The following CEP112 variants were observed in gnomAD, a reference collection of about 807,000 sequenced individuals.
The protein encoded by CEP112 is centrosomal protein 112, also known as centrosomal protein of 112 kDa.
A neutral mutation model predicts 153.0 loss-of-function variants in CEP112; 127 were observed. The observed-to-expected ratio is 0.83, with a 90% CI of 0.72 to 0.96. The LOEUF (loss-of-function observed/expected upper bound fraction) is 0.96, where lower values mean the gene tolerates loss of function less well. Ranked by LOEUF, CEP112 falls within the 40% of genes least tolerant of loss-of-function variation. The pLI, the probability that CEP112 is intolerant of heterozygous loss-of-function variation, is 0.00. For missense variants in CEP112, 1,089 were observed against 1,101.2 expected (o/e 0.99, Z 0.16); for synonymous variants, 358 against 374.4 (o/e 0.96, Z 0.51).
chr17:65,986,847 A>T (rs2145200089), intron 17 of CEP112, among the ~76,000 whole-genome samples: 1 of 152,274 alleles, frequency 6.6e-6, no homozygotes, highest in South Asian at 2.1e-4. Flanking sequence ...ACCATTATAC[A>T]AGTTGACATG....
chr17:66,129,480 A>G (rs753972689), intron 6 of CEP112, among the ~76,000 whole-genome samples: 1 of 152,008 alleles, frequency 6.6e-6, no homozygotes, highest in Non-Finnish European at 1.5e-5. Flanking sequence ...TACTATCTTT[A>G]ATTATTATTT....
At chr17:65,721,285 C>G (rs1019864995) in intron 23 of CEP112, among the ~76,000 whole-genome samples, 2 of 152,196 alleles carry the variant, frequency 1.3e-5, no homozygotes, top group African/African-American at 4.8e-5. Flanking sequence ...GCTGGGATTA[C>G]AGGCATGAGC....
chr17:66,118,173 A>G (rs1453095030), intron 6 of CEP112, among the ~76,000 whole-genome samples: 3 of 152,176 alleles, frequency 2.0e-5, no homozygotes, highest in African/African-American at 7.2e-5. Flanking sequence ...TACATCCAAA[A>G]GAAAGGAAAT....
intron 2 of CEP112, among the ~76,000 whole-genome samples, chr17:66,180,147 C>G (rs1218200305): frequency 6.6e-6 from 1 of 152,034 alleles, no homozygotes; most frequent in Non-Finnish European, 1.5e-5. Flanking sequence ...CTGTAGTTTT[C>G]TTTCTTTGAT....
intron 19 of CEP112, among the ~76,000 whole-genome samples, chr17:65,917,995 G>C (rs904526206): frequency 1.3e-5 from 2 of 151,984 alleles, no homozygotes; most frequent in African/African-American, 2.4e-5. Flanking sequence ...TGGGCAACAC[G>C]ATGAAACCCT....
intron 12 of CEP112, among the ~76,000 whole-genome samples, chr17:66,038,110 A>AAAAAAAAAAAAAAAAAAAAAAAG (rs71293591): frequency 8.3e-6 from 1 of 120,640 alleles, no homozygotes; most frequent in African/African-American, 3.3e-5. Context: ...CAAAAAAAAA[A>AAAAAAAAAAAAAAAAAAAAAAAG]AAAAGAAAAG....
intron 16 of CEP112, among the ~76,000 whole-genome samples, chr17:66,020,093 C>G (rs2064941458): frequency 6.6e-6 from 1 of 152,104 alleles, no homozygotes; most frequent in Admixed American, 6.6e-5. Context: ...TACATACATA[C>G]CAGGATATCA....
chr17:65,636,272 A>G (rs1297761130), intron 26 of CEP112, among the ~76,000 whole-genome samples: 1 of 152,208 alleles, frequency 6.6e-6, no homozygotes, highest in African/African-American at 2.4e-5. Flanking sequence ...GGTAAACACA[A>G]TCTATGTTAG....
At chr17:65,836,737 A>C (rs1165501039) in intron 21 of CEP112, among the ~76,000 whole-genome samples, 11 of 152,214 alleles carry the variant, frequency 7.2e-5, no homozygotes. Context: ...ACAGAAAATC[A>C]GCAAAGAAAT....
At chr17:66,019,075 C>A (rs190796620) in intron 16 of CEP112, among the ~76,000 whole-genome samples, 37 of 152,244 alleles carry the variant, frequency 2.4e-4, no homozygotes, top group African/African-American at 8.9e-4. Context: ...CAGACAATAG[C>A]CACTAGAGAT....
rs556645985 is a variant in CEP112, at chr17:65,928,503, A to T, written c.1873-814T>A. 1.1e-4 allele frequency among the ~76,000 whole-genome samples: 17 copies of T among 152,328 alleles called. No individual in the cohort carries two copies. In the South Asian group the frequency reaches 3.3e-3, roughly 30 times the overall value. On this transcript the variant is annotated intron_variant, in intron 18 of 26. Transcript: ENST00000535342. ...AGTAGCATTATTCATAACATCCAAA[A>T]AGAGGAAACCACCCAAATATCCATC...
intron 21 of CEP112, among the ~76,000 whole-genome samples, chr17:65,831,647 G>A (rs368108299): frequency 3.3e-4 from 49 of 150,516 alleles, no homozygotes; most frequent in Middle Eastern, 3.4e-3. Flanking sequence ...CAGGAACAAA[G>A]TGAGAAATTT....
chr17:65,829,517 T>C (rs2056992299), intron 21 of CEP112, among the ~76,000 whole-genome samples: 1 of 152,224 alleles, frequency 6.6e-6, no homozygotes, highest in African/African-American at 2.4e-5. Flanking sequence ...TAAGAGGCTC[T>C]GTCCCTTTAT....
At chr17:66,184,408 A>T (rs1779642355) in intron 1 of CEP112, among the ~76,000 whole-genome samples, 1 of 152,212 alleles carries the variant, frequency 6.6e-6, no homozygotes. Flanking sequence ...TCAAGAATAC[A>T]TAAGGACTCT....
chr17:65,865,780 C>T (rs1261154788), intron 20 of CEP112, among the ~76,000 whole-genome samples: 2 of 152,220 alleles, frequency 1.3e-5, no homozygotes, highest in Non-Finnish European at 2.9e-5. Context: ...AGAACCCACT[C>T]CTGGGAGGCC....
intron 18 of CEP112, among the ~76,000 whole-genome samples, chr17:65,932,995 T>A (rs2061179636): frequency 6.6e-6 from 1 of 152,182 alleles, no homozygotes; most frequent in South Asian, 2.1e-4. Context: ...GAACGGAAAT[T>A]ATTTTTAAAA....
At chr17:65,916,060 A>G (rs1375055251) in intron 19 of CEP112, among the ~76,000 whole-genome samples, 2 of 152,072 alleles carry the variant, frequency 1.3e-5, no homozygotes, top group Non-Finnish European at 2.9e-5. Flanking sequence ...CCTTCACTTC[A>G]TCCAGGTCTT....
intron 21 of CEP112, among the ~76,000 whole-genome samples, chr17:65,775,419 G>A (rs1372909389): frequency 6.6e-6 from 1 of 151,928 alleles, no homozygotes; most frequent in South Asian, 2.1e-4. Flanking sequence ...TTTTATCACG[G>A]TTTTCCCCAC....
At chr17:65,972,956 G>A (rs1359863300) in intron 17 of CEP112, among the ~76,000 whole-genome samples, 1 of 152,098 alleles carries the variant, frequency 6.6e-6, no homozygotes, top group Non-Finnish European at 1.5e-5. Flanking sequence ...AGTAGAGACG[G>A]GGTTTCACCA....
Sources: gnomAD v4.1 joint callset for allele counts (sites outside exome capture counted in the v4.1 genomes callset) on GRCh38, gnomAD v4.1.1 for gene constraint, MANE v1.5 for transcripts, NCBI Gene and HGNC (gene_info 2026-07-23, HGNC 2026-07-21) for gene names.